Variants in KCNJ6 observed in about 807,000 individuals in gnomAD.
The protein encoded by KCNJ6 is G protein-activated inward rectifier potassium channel 2.
A neutral mutation model predicts 34.2 loss-of-function variants in KCNJ6; 9 were observed. The ratio of observed to expected loss-of-function variants is 0.26; its 90% CI spans 0.16 to 0.46. KCNJ6 has a LOEUF of 0.46. KCNJ6 is among the 20% of genes least tolerant of loss of function. KCNJ6 has a pLI of 1.00. For missense variants in KCNJ6, 236 were observed against 531.3 expected, an observed-to-expected ratio of 0.44 and a Z score of 5.46; for synonymous variants, 196 against 207.1, an observed-to-expected ratio of 0.95 and a Z score of 0.46.
intron 2 of KCNJ6, among the ~76,000 whole-genome samples, chr21:37,761,798 T>A (rs2055066582): frequency 6.6e-6 from 1 of 152,032 alleles, no homozygotes; most frequent in South Asian, 2.1e-4. Context: ...TGTGTGCATA[T>A]GTTGTGTATA....
intron 2 of KCNJ6, among the ~76,000 whole-genome samples, chr21:37,742,916 T>TA (rs2054948279): frequency 6.6e-6 from 1 of 152,230 alleles, no homozygotes; most frequent in South Asian, 2.1e-4. Context: ...CAGGATTCTC[T>TA]AAGGACTGTG....
chr21:37,898,783 CAGAGGTATT>C (rs1298655081), intron 1 of KCNJ6, among the ~76,000 whole-genome samples: 2 of 152,094 alleles, frequency 1.3e-5, no homozygotes, highest in Non-Finnish European at 2.9e-5. Flanking sequence ...GCACTGGATA[CAGAGGTATT>C]AGAAGAACTG....
At chr21:37,632,654 A>T (rs1005538288) in intron 3 of KCNJ6, among the ~76,000 whole-genome samples, 1 of 152,192 alleles carries the variant, frequency 6.6e-6, no homozygotes, top group African/African-American at 2.4e-5. Context: ...GCAAAAATAA[A>T]TGGCATTGGG....
Position 37,612,065 on chromosome 21 carries a change from A to G in KCNJ6, c.*13094T>C, listed in dbSNP as rs1049720057. 4.6e-5 allele frequency: 7 copies of G among 152,240 alleles called. No individual in the cohort carries two copies. The highest frequency in any genetic ancestry group is 1.7e-4 in the African/African-American group (7 of 41,470). The allele number at this position is 152,240 out of a possible 1,614,324, so 9.4% of individuals were successfully genotyped here. A position where few individuals can be genotyped will look rare whatever the true frequency, so the allele number is the denominator to read the frequency against. On this transcript the variant is annotated 3_prime_UTR_variant, in exon 4 of 4. Coordinates refer to ENST00000609713, the MANE Select transcript of KCNJ6 (RefSeq NM_002240.5). The stretch of plus-strand genomic sequence containing the variant: ...AACTTTGTCTTTGTTTACAGATGAC[A>G]TGATCATCTATGTAGAAAATCTGAA...
chr21:37,651,502 C>A lies in KCNJ6; in HGVS notation c.947-26018G>T, dbSNP rs541074733. ...AGCAAGGAGGAGCCTTCCCAGTGGT[C>A]TGGGCAAGGGATGATGGCGGGTAGA... On this transcript the variant is annotated intron_variant, in intron 3 of 3. Coordinates refer to ENST00000609713, the MANE Select transcript of KCNJ6 (RefSeq NM_002240.5). Among the ~76,000 whole-genome samples, 3 of 152,126 alleles carry A rather than the reference C, an allele frequency of 2.0e-5. 1 individual carries two copies. In the East Asian group the frequency reaches 5.8e-4, roughly 29 times the overall value.
chr21:37,638,028 A>G (rs2054365532), intron 3 of KCNJ6, among the ~76,000 whole-genome samples: 1 of 152,254 alleles, frequency 6.6e-6, no homozygotes, highest in African/African-American at 2.4e-5. Context: ...ACAAGTAGGT[A>G]CAATAGGTAG....
intron 2 of KCNJ6, among the ~76,000 whole-genome samples, chr21:37,759,124 G>A (rs2055047117): frequency 1.3e-5 from 2 of 152,164 alleles, no homozygotes; most frequent in Admixed American, 1.3e-4. Flanking sequence ...AGGCTGGGGA[G>A]GAGATCAGCT....
At chr21:37,914,627 A>T (rs1476739729) in intron 1 of KCNJ6, among the ~76,000 whole-genome samples, 1 of 152,232 alleles carries the variant, frequency 6.6e-6, no homozygotes, top group East Asian at 1.9e-4. Context: ...CTGGGTCGCC[A>T]TGGAGACTCG....
At chr21:37,795,602 G>A (rs1009049106) in intron 2 of KCNJ6, among the ~76,000 whole-genome samples, 4 of 151,962 alleles carry the variant, frequency 2.6e-5, no homozygotes, top group African/African-American at 7.2e-5. Flanking sequence ...AAAATTAGCC[G>A]GGCATGGTGG....
chr21:37,738,319 AT>A (rs1338510347), intron 2 of KCNJ6, among the ~76,000 whole-genome samples: 1 of 116,590 alleles, frequency 8.6e-6, no homozygotes, highest in Non-Finnish European at 1.7e-5. Flanking sequence ...TTAAAATTAC[AT>A]TTTCTCCTGC....
intron 2 of KCNJ6, among the ~76,000 whole-genome samples, chr21:37,735,978 G>A (rs2054910944): frequency 6.6e-6 from 1 of 151,998 alleles, no homozygotes; most frequent in Admixed American, 6.6e-5. Context: ...GAATAATGGA[G>A]AATTCTCCCC....
At chr21:37,711,184 C>A (rs1480162775) in intron 3 of KCNJ6, among the ~76,000 whole-genome samples, 1 of 152,242 alleles carries the variant, frequency 6.6e-6, no homozygotes, top group African/African-American at 2.4e-5. Context: ...CATTGGAAGG[C>A]AGTGCATCCA....
rs1306809726 is a variant in KCNJ6 at position 37,624,503 on chromosome 21, G to T, written c.*656C>A. On this transcript the variant is annotated 3_prime_UTR_variant, in exon 4 of 4. Coordinates refer to ENST00000609713, the MANE Select transcript of KCNJ6 (RefSeq NM_002240.5). ...TTTTTTTTTGCTTCTTATTTCTAAA[G>T]TTATATATCTAAACCTACATTAATG... 1 of 151,584 alleles carries T rather than the reference G, an allele frequency of 6.6e-6. No homozygotes were observed. Among genetic ancestry groups the T allele is most frequent in the Non-Finnish European group, 1.5e-5 (1 of 67,914 alleles). The allele number at this position is 151,584 out of a possible 1,614,324, so 9.4% of individuals were successfully genotyped here.
At chr21:37,786,148 G>A (rs1274434592) in intron 2 of KCNJ6, among the ~76,000 whole-genome samples, 1 of 152,196 alleles carries the variant, frequency 6.6e-6, no homozygotes, top group African/African-American at 2.4e-5. Context: ...ATCAGATGAA[G>A]TTGGTGTTGA....
intron 2 of KCNJ6, among the ~76,000 whole-genome samples, chr21:37,729,341 G>C (rs964208664): frequency 6.6e-6 from 1 of 151,812 alleles, no homozygotes; most frequent in East Asian, 1.9e-4. Flanking sequence ...TTTTGGGGGG[G>C]GGGGCAGGGT....
chr21:37,718,334 T>C (rs1375449468), intron 2 of KCNJ6, among the ~76,000 whole-genome samples: 1 of 152,232 alleles, frequency 6.6e-6, no homozygotes, highest in African/African-American at 2.4e-5. Flanking sequence ...TGTGTCTGTT[T>C]TCAAATTGAG....
chr21:37,849,473 T>A (rs1300951704), intron 1 of KCNJ6, among the ~76,000 whole-genome samples: 2 of 152,212 alleles, frequency 1.3e-5, no homozygotes, highest in Admixed American at 1.3e-4. Context: ...AGTTCCTTTC[T>A]TTCCCCTTTA....
chr21:37,825,028 C>G (rs541449655), intron 2 of KCNJ6, among the ~76,000 whole-genome samples: 1 of 152,216 alleles, frequency 6.6e-6, no homozygotes, highest in African/African-American at 2.4e-5. Context: ...CCAACTCCTT[C>G]CCTGTGTGTG....
intron 2 of KCNJ6, among the ~76,000 whole-genome samples, chr21:37,765,807 T>C (rs2055087902): frequency 6.6e-6 from 1 of 152,252 alleles, no homozygotes; most frequent in African/African-American, 2.4e-5. Flanking sequence ...TAAATGAAGA[T>C]GTCAATCACT....
Sources: gnomAD v4.1 joint callset for allele counts (sites outside exome capture counted in the v4.1 genomes callset) on GRCh38, gnomAD v4.1.1 for gene constraint, MANE v1.5 for transcripts, NCBI Gene and HGNC (gene_info 2026-07-23, HGNC 2026-07-21) for gene names.